IRS1: variants seen among roughly 807,000 people sequenced by gnomAD.
IRS1 encodes insulin receptor substrate 1.
IRS1 carries 34 observed loss-of-function variants against 65.6 expected under a neutral mutation model. The observed-to-expected ratio is 0.52, with a 90% CI of 0.39 to 0.69. The LOEUF (loss-of-function observed/expected upper bound fraction) is 0.69, where lower values mean the gene tolerates loss of function less well. Ranked by LOEUF, IRS1 falls within the 30% of genes least tolerant of loss-of-function variation. The pLI is 0.00. For synonymous variants in IRS1, 699 were observed against 683.5 expected, an observed-to-expected ratio of 1.02 and a Z score of -0.35; for missense variants, 1,641 against 1,720.2, an observed-to-expected ratio of 0.95 and a Z score of 0.81.
rs1441375706 is a variant in IRS1 at position 226,736,181 on chromosome 2, C to T, written c.*91G>A. ...AAGATATGAGGTCCTAGTTGTGAAT[C>T]ATGAAATATTTAGAGTCTGGGTACC... On this transcript the variant is annotated 3_prime_UTR_variant, in exon 2 of 2. Coordinates refer to ENST00000305123, the MANE Select transcript of IRS1 (RefSeq NM_005544.3). 4 of 152,464 alleles carry T rather than the reference C, an allele frequency of 2.6e-5. No homozygotes were observed. Among genetic ancestry groups the T allele is most frequent in the African/African-American group, 7.2e-5 (3 of 41,414 alleles). 9.4% of individuals were successfully genotyped at this position (152,464 alleles called of 1,614,324 possible).
chr2:226,799,523 T>C lies in IRS1; in HGVS notation c.-785A>G. ...GGGACCGGCCGGAGGGACAGACTCA[T>C]CCCTGCCCCTCGCTCCAGGCGGCTG... On this transcript the variant is annotated 5_prime_UTR_variant, in exon 1 of 2. The change abolishes an upstream ATG in the 5' untranslated region. Transcript: ENST00000305123. The surrounding 1 kb of genome is among the most constrained non-coding windows in gnomAD (Gnocchi z 6.1). 1.8e-6 allele frequency: 2 copies of C among 1,087,066 alleles called. No individual in the cohort carries two copies. The highest frequency in any genetic ancestry group is 4.6e-5 in the South Asian group (2 of 43,280). The allele number at this position is 1,087,066 out of a possible 1,614,324, so 67.3% of individuals were successfully genotyped here.
chr2:226,747,059 G>A (rs967910573), intron 1 of IRS1, among the ~76,000 whole-genome samples: 3 of 151,952 alleles, frequency 2.0e-5, no homozygotes, highest in Non-Finnish European at 4.4e-5. Context: ...CAAAGTGCTG[G>A]GATTGCAGGT....
Position 226,797,877 on chromosome 2 carries a change from G to T in IRS1, c.862C>A (p.His288Asn). Reference sequence around the variant, plus strand: ...TGGCTGGGCGGGGGATTGTTGAGATGGTGCCGGCGCAGGGGGACGCTGATG... The same window carrying T: ...TGGCTGGGCGGGGGATTGTTGAGATTGTGCCGGCGCAGGGGGACGCTGATG... ...NPISVPLRRH[H>N]LNNPPPSQVG... The change falls in exon 1 of 2, where the codon CAT becomes AAT. Residue 288 changes from histidine (H) to asparagine (N), a missense_variant. Coordinates refer to ENST00000305123, the MANE Select transcript of IRS1 (RefSeq NM_005544.3). This position sits in a 1 kb window ranked among gnomAD's most constrained non-coding sequence, Gnocchi z 8.1. 3.1e-6 allele frequency: 5 copies of T among 1,608,620 alleles called. No individual in the cohort carries two copies. Among genetic ancestry groups the T allele is most frequent in the Non-Finnish European group, 4.2e-6 (5 of 1,177,782 alleles).
Position 226,796,737 on chromosome 2 carries a change from T to C in IRS1, c.2002A>G (p.Ser668Gly). Reference sequence around the variant, plus strand: ...CCAATGTCAGGAGAGCAGCCACCGCTGGGGGACATCATCATGTAGCCATTG... The same window carrying C: ...CCAATGTCAGGAGAGCAGCCACCGCCGGGGGACATCATCATGTAGCCATTG... ...DPNGYMMMSP[S>G]GGCSPDIGGG... The change falls in exon 1 of 2, where the codon AGC becomes GGC. Residue 668 changes from serine (S) to glycine (G), a missense_variant. Transcript: ENST00000305123. The C allele has an allele frequency of 1.2e-6, 2 of 1,610,894 alleles. No homozygotes were observed. Among genetic ancestry groups the C allele is most frequent in the Non-Finnish European group, 1.7e-6 (2 of 1,178,058 alleles).
In IRS1 at chr2:226,799,187, G is replaced by A; in HGVS notation, c.-449C>T. 9.0e-7 allele frequency: 1 copy of A among 1,106,888 alleles called. No homozygotes were observed. 68.6% of individuals were successfully genotyped at this position (1,106,888 alleles called of 1,614,324 possible). On this transcript the variant is annotated 5_prime_UTR_variant, in exon 1 of 2. Transcript: ENST00000305123. This position sits in a 1 kb window ranked among gnomAD's most constrained non-coding sequence, Gnocchi z 6.1. The stretch of plus-strand genomic sequence containing the variant: ...CCTCCTGAGTTCCCCTCTGGAAGCA[G>A]CGATTCCCGAGGCAAATTAAATATC...
Position 226,733,413 on chromosome 2 carries a change from T to C in IRS1, c.*2859A>G, listed in dbSNP as rs1938266957. 1 of 152,188 alleles carries C rather than the reference T, an allele frequency of 6.6e-6. No individual in the cohort carries two copies. Among genetic ancestry groups the C allele is most frequent in the Non-Finnish European group, 1.5e-5 (1 of 68,022 alleles). The allele number at this position is 152,188 out of a possible 1,614,324, so 9.4% of individuals were successfully genotyped here. On this transcript the variant is annotated 3_prime_UTR_variant, in exon 2 of 2. Transcript: ENST00000305123. ...ACTGATTTCTCATTATTGACTCAGG[T>C]GGTTGATCATTAATGGATTCTCTTC...
intron 1 of IRS1, among the ~76,000 whole-genome samples, chr2:226,782,680 A>G (rs1292218379): frequency 6.6e-6 from 1 of 152,176 alleles, no homozygotes; most frequent in Non-Finnish European, 1.5e-5. Context: ...TTCAAGTCCT[A>G]TGTGAGCCAC....
intron 1 of IRS1, among the ~76,000 whole-genome samples, chr2:226,762,357 CAA>C (rs67318812): frequency 3.3e-3 from 400 of 119,740 alleles, no homozygotes; most frequent in East Asian, 3.9e-3. Context: ...CATAAAAATG[CAA>C]AAAAAAAAAA....
At position 226,766,146 on chromosome 2, in the gene IRS1, TATA is replaced by T. The variant is rs1939036358; in HGVS notation, c.*21+28840_*21+28842del. Among the ~76,000 whole-genome samples, 22 of 6,530 alleles carry T rather than the reference TATA, an allele frequency of 3.4e-3. 2 individuals are homozygous for T. The highest frequency in any genetic ancestry group is 7.7e-3 in the Non-Finnish European group (16 of 2,086). The allele number at this position is 6,530 out of a possible 152,430, so 4.3% of individuals were successfully genotyped here. On this transcript the variant is annotated intron_variant, in intron 1 of 1. Coordinates refer to ENST00000305123, the MANE Select transcript of IRS1 (RefSeq NM_005544.3). ...TTATATATATATATATATATATATA[TATA>T]TATATATATATATATTTTTTTTTTT...
At position 226,798,229 on chromosome 2, in the gene IRS1, G is replaced by A. The variant is rs1202939281; in HGVS notation, c.510C>T (p.Pro170=). 2 of 1,613,624 alleles carry A rather than the reference G, an allele frequency of 1.2e-6. No individual in the cohort carries two copies. The highest frequency in any genetic ancestry group is 1.7e-6 in the Non-Finnish European group (2 of 1,180,000). ...GGTTCTTTGTCTGACCCAGGCCCTT[G>A]GGCTTCAGGATCACTTGCCAGACCT... ...FKEVWQVILK[P]KGLGQTKNLI... The change falls in exon 1 of 2, where the codon CCC becomes CCT. Residue 170 remains proline (P), a synonymous_variant. Coordinates refer to ENST00000305123, the MANE Select transcript of IRS1 (RefSeq NM_005544.3). This position sits in a 1 kb window ranked among gnomAD's most constrained non-coding sequence, Gnocchi z 9.4.
intron 1 of IRS1, among the ~76,000 whole-genome samples, chr2:226,763,565 C>T (rs192807131): frequency 6.6e-6 from 1 of 152,276 alleles, no homozygotes; most frequent in East Asian, 1.9e-4. Context: ...CCAAAAGCAA[C>T]ACAGACACAG....
intron 1 of IRS1, among the ~76,000 whole-genome samples, chr2:226,776,833 GA>G (rs1939283517): frequency 6.6e-6 from 1 of 152,150 alleles, no homozygotes; most frequent in African/African-American, 2.4e-5. Flanking sequence ...TGGAATCCAG[GA>G]GGCAGAGGCT....
rs1472729166 is a variant in IRS1, at chr2:226,731,947, G to A, written c.*4325C>T. The A allele has an allele frequency of 6.6e-6, 1 of 152,164 alleles. No homozygotes were observed. The highest frequency in any genetic ancestry group is 2.4e-5 in the African/African-American group (1 of 41,450). The allele number at this position is 152,164 out of a possible 1,614,324, so 9.4% of individuals were successfully genotyped here. A position where few individuals can be genotyped will look rare whatever the true frequency, so the allele number is the denominator to read the frequency against. On this transcript the variant is annotated 3_prime_UTR_variant, in exon 2 of 2. Coordinates refer to ENST00000305123, the MANE Select transcript of IRS1 (RefSeq NM_005544.3). ...CTCGTTAACAGCATAAGCAAAGAGA[G>A]ATTTAAATGCCAAGTGAATGGCAGA...
In IRS1 at chr2:226,795,902, A is replaced by G; in HGVS notation, c.2837T>C (p.Leu946Pro). 5 of 1,613,898 alleles carry G rather than the reference A, an allele frequency of 3.1e-6. No individual in the cohort carries two copies. The change falls in exon 1 of 2, where the codon CTG (leucine) becomes CCG (proline). Residue 946 changes from leucine to proline, a missense_variant. Leu to Pro is a moderately conservative substitution (Grantham distance 98, BLOSUM62 -3). Around this residue, in one of 3 missense-constraint regions of IRS1, gnomAD observed 1,324 missense variants for 1,361.0 expected, o/e 0.97. Coordinates refer to ENST00000305123, the MANE Select transcript of IRS1 (RefSeq NM_005544.3). The part of the protein sequence containing the change: ...TGTEEYMKMD[L>P]GPGRRAAWQE... Reference sequence around the variant, plus strand: ...CCAGGCTGCCCTCCGGCCCGGCCCCAGGTCCATCTTCATGTACTCCTCAGT... The same window carrying G: ...CCAGGCTGCCCTCCGGCCCGGCCCCGGGTCCATCTTCATGTACTCCTCAGT...
rs761980443 is a variant in IRS1 at position 226,796,635 on chromosome 2, C to A, written c.2104G>T (p.Gly702Trp). ...ACATGAGAGTGGTGGCCCCCTACCC[C>A]GTTTGTCCACAGCTTTCCATAGCTG... ...GTSYGKLWTN[G>W]VGGHHSHVLP... The change falls in exon 1 of 2, where the codon GGG becomes TGG. Residue 702 changes from glycine (G) to tryptophan (W), a missense_variant. Transcript: ENST00000305123. The A allele has an allele frequency of 6.2e-7, 1 of 1,613,800 alleles. No individual in the cohort carries two copies. Among genetic ancestry groups the A allele is most frequent in the Non-Finnish European group, 8.5e-7 (1 of 1,179,900 alleles).
chr2:226,750,024 T>C (rs868343126), intron 1 of IRS1, among the ~76,000 whole-genome samples: 2 of 151,624 alleles, frequency 1.3e-5, no homozygotes, highest in African/African-American at 4.8e-5. Flanking sequence ...CCGAGGCGGG[T>C]GGATCACCTG....
intron 1 of IRS1, among the ~76,000 whole-genome samples, chr2:226,743,169 A>G (rs11680568): frequency 2.6e-5 from 4 of 151,738 alleles, no homozygotes. Flanking sequence ...GGAAAAAAAA[A>G]CAAAAAAAAA....
chr2:226,768,014 C>T (rs769942584), intron 1 of IRS1, among the ~76,000 whole-genome samples: 15 of 152,114 alleles, frequency 9.9e-5, no homozygotes, highest in Non-Finnish European at 1.8e-4. Context: ...AGCTTACTAC[C>T]CCAATCACAC....
At chr2:226,789,124 G>T (rs1333084070) in intron 1 of IRS1, among the ~76,000 whole-genome samples, 5 of 152,176 alleles carry the variant, frequency 3.3e-5, no homozygotes, top group Admixed American at 3.3e-4. Flanking sequence ...CCTTAAAACT[G>T]TGAAATGTTC....
Sources: gnomAD v4.1 joint callset for allele counts (sites outside exome capture counted in the v4.1 genomes callset) on GRCh38, gnomAD v4.1.1 for gene constraint, gnomAD v4.1.1 regional missense constraint, Gnocchi (gnomAD v3.1) non-coding constraint, MANE v1.5 for transcripts, NCBI Gene and HGNC (gene_info 2026-07-23, HGNC 2026-07-21) for gene names.